The following CFAP43 variants were observed in gnomAD, a reference collection of about 807,000 sequenced individuals.
CFAP43 encodes cilia and flagella associated protein 43, also known as cilia- and flagella-associated protein 43.
Under a neutral mutation model 218.9 loss-of-function variants are expected in CFAP43, and 155 were observed. The ratio of observed to expected loss-of-function variants is 0.71; its 90% CI spans 0.62 to 0.81. The LOEUF (loss-of-function observed/expected upper bound fraction) is 0.81. CFAP43 is among the 30% of genes least tolerant of loss of function. The pLI is 0.00. For synonymous variants in CFAP43, 645 were observed against 681.3 expected (o/e 0.95, Z 0.83); for missense variants, 1,778 against 1,954.3 (o/e 0.91, Z 1.70).
At chr10:104,141,657 C>T (rs957170850) in intron 33 of CFAP43, among the ~76,000 whole-genome samples, 1 of 152,018 alleles carries the variant, frequency 6.6e-6, no homozygotes, top group Non-Finnish European at 1.5e-5. Flanking sequence ...AAATTCTGAA[C>T]TTATTTATTG....
At position 104,230,692 on chromosome 10, in the gene CFAP43, T is replaced by A. The variant is rs1382305896; in HGVS notation, c.217A>T (p.Thr73Ser). 1 of 1,614,126 alleles carries A rather than the reference T, an allele frequency of 6.2e-7. No individual in the cohort carries two copies. Among genetic ancestry groups the A allele is most frequent in the Non-Finnish European group, 8.5e-7 (1 of 1,180,028 alleles). The change falls in exon 2 of 38, where the codon ACT (threonine) becomes TCT (serine). Residue 73 changes from threonine (T) to serine (S), a missense_variant. Physicochemically the swap from Thr to Ser is moderately conservative, Grantham distance 58. Transcript: ENST00000357060. Reference sequence around the variant, plus strand: ...GCCACAACTTCACAGGGGATGTTAGTTGCCATGACGCCCACAATTCCATTA... The same window carrying A: ...GCCACAACTTCACAGGGGATGTTAGATGCCATGACGCCCACAATTCCATTA... ...CSNGIVGVMA[T>S]NIPCEVVAFS...
chr10:104,175,803 T>C (rs2089608701), intron 19 of CFAP43, among the ~76,000 whole-genome samples: 2 of 152,184 alleles, frequency 1.3e-5, no homozygotes, highest in African/African-American at 4.8e-5. Flanking sequence ...CATCATAAGG[T>C]TGAAAAATTA....
intron 3 of CFAP43, among the ~76,000 whole-genome samples, chr10:104,217,072 G>A (rs1246781269): frequency 6.6e-6 from 1 of 152,144 alleles, no homozygotes; most frequent in Admixed American, 6.5e-5. Context: ...TTTATCTCCA[G>A]CCCTCTCTCC....
intron 31 of CFAP43, among the ~76,000 whole-genome samples, chr10:104,144,603 C>T (rs978342744): frequency 6.6e-6 from 1 of 152,066 alleles, no homozygotes; most frequent in African/African-American, 2.4e-5. Flanking sequence ...GAGCAGAGAT[C>T]GTGCCACTGC....
At chr10:104,216,693 A>G (rs1161145957) in intron 3 of CFAP43, among the ~76,000 whole-genome samples, 2 of 152,078 alleles carry the variant, frequency 1.3e-5, no homozygotes, top group Admixed American at 6.6e-5. Flanking sequence ...GTCCTGATTC[A>G]TAGCAGTTCA....
chr10:104,210,695 T>C (rs1376458375), intron 5 of CFAP43, among the ~76,000 whole-genome samples: 1 of 152,030 alleles, frequency 6.6e-6, no homozygotes, highest in African/African-American at 2.4e-5. Context: ...GCTCCAGCCA[T>C]ATGCATCTTT....
intron 27 of CFAP43, among the ~76,000 whole-genome samples, chr10:104,157,775 T>TGTGAGAGA (rs1484523345): frequency 7.5e-4 from 68 of 90,156 alleles, no homozygotes; most frequent in Non-Finnish European, 8.3e-4. Context: ...TGTGTGTGTG[T>TGTGAGAGA]GAGAGAGAGA....
At chr10:104,219,258 G>A (rs1013205059) in intron 3 of CFAP43, among the ~76,000 whole-genome samples, 1 of 151,922 alleles carries the variant, frequency 6.6e-6, no homozygotes, top group African/African-American at 2.4e-5. Flanking sequence ...CCAATATTTA[G>A]TCAGTTACAA....
At chr10:104,168,279 T>C (rs981982874) in intron 21 of CFAP43, among the ~76,000 whole-genome samples, 1 of 152,152 alleles carries the variant, frequency 6.6e-6, no homozygotes, top group Non-Finnish European at 1.5e-5. Flanking sequence ...ATGCTGATAA[T>C]AGTTACTCTG....
At chr10:104,131,601 C>A in intron 36 of CFAP43, 117 bp from the exon 37 acceptor site, 3 of 1,174,614 alleles carry the variant, frequency 2.6e-6, no homozygotes, top group Non-Finnish European at 3.5e-6. Flanking sequence ...TAACATCTTA[C>A]CGCCATATCT....
intron 27 of CFAP43, among the ~76,000 whole-genome samples, chr10:104,157,577 T>C (rs1358879168): frequency 6.6e-6 from 1 of 152,014 alleles, no homozygotes; most frequent in Non-Finnish European, 1.5e-5. Context: ...GATAGAGGTA[T>C]TTTATGTACA....
At chr10:104,144,107 T>C (rs528936554) in intron 31 of CFAP43, among the ~76,000 whole-genome samples, 79 of 152,326 alleles carry the variant, frequency 5.2e-4, no homozygotes, top group African/African-American at 1.9e-3. Flanking sequence ...GCACTCACTA[T>C]CAAGATGCTT....
At chr10:104,204,603 A>AAACATC (rs1357217278) in intron 7 of CFAP43, among the ~76,000 whole-genome samples, 1 of 152,180 alleles carries the variant, frequency 6.6e-6, no homozygotes. Context: ...GGGGTTAAAC[A>AAACATC]AACATCAAGG....
At chr10:104,194,389 C>A (rs1251913811) in intron 10 of CFAP43, among the ~76,000 whole-genome samples, 1 of 152,030 alleles carries the variant, frequency 6.6e-6, no homozygotes, top group Admixed American at 6.6e-5. Context: ...AAAAGAAATT[C>A]TTAGCATCTT....
At chr10:104,150,130 A>G (rs1002296086) in intron 28 of CFAP43, among the ~76,000 whole-genome samples, 9 of 152,094 alleles carry the variant, frequency 5.9e-5, no homozygotes, top group African/African-American at 1.9e-4. Context: ...ATTCCTTTTT[A>G]TTGTGGGATA....
intron 10 of CFAP43, among the ~76,000 whole-genome samples, chr10:104,195,249 A>G (rs2090350802): frequency 6.6e-6 from 1 of 152,156 alleles, no homozygotes; most frequent in Admixed American, 6.5e-5. Flanking sequence ...GTCTGGATCA[A>G]TTCTCTATAG....
In CFAP43 at chr10:104,170,559, C is replaced by T. The variant is rs533910506; in HGVS notation, c.2587-1711G>A. 3.9e-5 allele frequency among the ~76,000 whole-genome samples: 6 copies of T among 152,140 alleles called. No individual in the cohort carries two copies. The East Asian group carries it at 5.8e-4, about 15-fold the overall frequency. On this transcript the variant is annotated intron_variant, in intron 20 of 37. Coordinates refer to ENST00000357060, the MANE Select transcript of CFAP43 (RefSeq NM_025145.7). ...TGGTGCAGAATAGCAGGGGGCATTC[C>T]GAGCCTGAGCCAAACCAGAGCCAAG...
chr10:104,148,827 C>T (rs920063749), intron 28 of CFAP43, among the ~76,000 whole-genome samples: 2 of 152,180 alleles, frequency 1.3e-5, no homozygotes, highest in Admixed American at 1.3e-4. Flanking sequence ...CAACACAAAA[C>T]AGACTAAGAC....
At chr10:104,207,624 C>T (rs371178747) in intron 6 of CFAP43, 41 bp downstream of exon 6, 20 of 1,572,076 alleles carry the variant, frequency 1.3e-5, no homozygotes, top group Non-Finnish European at 1.6e-5. Flanking sequence ...AAAACCAACA[C>T]CCATGGCTAT....
Sources: gnomAD v4.1 joint callset for allele counts (sites outside exome capture counted in the v4.1 genomes callset) on GRCh38, gnomAD v4.1.1 for gene constraint, MANE v1.5 for transcripts, NCBI Gene and HGNC (gene_info 2026-07-23, HGNC 2026-07-21) for gene names.